The following HHIP variants were observed in gnomAD, a reference collection of about 807,000 sequenced individuals.
HHIP encodes the protein hedgehog interacting protein.
A neutral mutation model predicts 74.0 loss-of-function variants in HHIP; 12 were observed. The ratio of observed to expected loss-of-function variants is 0.16; its 90% CI spans 0.10 to 0.26. HHIP has a LOEUF of 0.26. Ranked by LOEUF, HHIP falls within the 10% of genes least tolerant of loss-of-function variation. The pLI, the probability that HHIP is intolerant of heterozygous loss-of-function variation, is 1.00. For synonymous variants in HHIP, 309 were observed against 311.6 expected (o/e 0.99, Z 0.09); for missense variants, 788 against 845.0 (o/e 0.93, Z 0.84).
At chr4:144,668,746 G>A (rs1418471866) in intron 4 of HHIP, among the ~76,000 whole-genome samples, 1 of 152,030 alleles carries the variant, frequency 6.6e-6, no homozygotes, top group African/African-American at 2.4e-5. Context: ...GCAAGAGTCC[G>A]TCTCAAAGAA....
chr4:144,664,386 A>T (rs1024627990), intron 4 of HHIP, among the ~76,000 whole-genome samples: 6 of 152,350 alleles, frequency 3.9e-5, no homozygotes, highest in East Asian at 1.9e-4. Flanking sequence ...AGGCTTGTAA[A>T]TCACAAACAT....
intron 7 of HHIP, among the ~76,000 whole-genome samples, chr4:144,709,734 C>G (rs1045616430): frequency 1.3e-5 from 2 of 152,178 alleles, no homozygotes; most frequent in African/African-American, 4.8e-5. Context: ...CTCAGCAAGG[C>G]TCACCATCAG....
In HHIP at chr4:144,711,952, G is replaced by T; in HGVS notation, c.1304G>T (p.Cys435Phe). Residue 435 changes from cysteine to phenylalanine, a missense_variant and splice_region_variant, in exon 8 of 13, where the codon TGT (cysteine) becomes TTT (phenylalanine). Cys to Phe is a radical substitution (Grantham distance 205, BLOSUM62 -2). Transcript: ENST00000296575. Reference protein sequence around the residue: ...FAHGLHDPGRCAVDRHPTDIN... With the variant: ...FAHGLHDPGRFAVDRHPTDIN... ...GTGTATCCCCTCTTGTTATGCAGAT[G>T]TGCTGTGGATAGACATCCCACTGAT... is the stretch of plus-strand genomic sequence containing the variant. 1 of 1,611,736 alleles carries T rather than the reference G, an allele frequency of 6.2e-7. No homozygotes were observed. Among genetic ancestry groups the T allele is most frequent in the Non-Finnish European group, 8.5e-7 (1 of 1,178,834 alleles).
chr4:144,704,129 T>A (rs1232926292), intron 4 of HHIP, among the ~76,000 whole-genome samples: 1 of 152,202 alleles, frequency 6.6e-6, no homozygotes, highest in Non-Finnish European at 1.5e-5. Flanking sequence ...TTTTAAAATC[T>A]AGATTCAAGA....
At chr4:144,688,282 T>A (rs1221682969) in intron 4 of HHIP, among the ~76,000 whole-genome samples, 1 of 152,040 alleles carries the variant, frequency 6.6e-6, no homozygotes, top group Non-Finnish European at 1.5e-5. Context: ...AAAAAAAAAA[T>A]TGTGCTTGAT....
At chr4:144,684,232 A>ATTTTTTTTT (rs1174297815) in intron 4 of HHIP, among the ~76,000 whole-genome samples, 6 of 63,008 alleles carry the variant, frequency 9.5e-5, no homozygotes, top group African/African-American at 1.9e-4. Flanking sequence ...AAAAAAAAGA[A>ATTTTTTTTT]TTTTTTTTTT....
At chr4:144,727,373 C>T (rs546980220) in intron 11 of HHIP, among the ~76,000 whole-genome samples, 1 of 152,088 alleles carries the variant, frequency 6.6e-6, no homozygotes, top group Admixed American at 6.6e-5. Flanking sequence ...CTGTTATTTT[C>T]GGGGTTAGGG....
chr4:144,669,329 G>A (rs1030017227), intron 4 of HHIP, among the ~76,000 whole-genome samples: 6 of 152,064 alleles, frequency 3.9e-5, no homozygotes, highest in African/African-American at 9.7e-5. Flanking sequence ...TCTAAATCAC[G>A]TAACTTTCTA....
intron 4 of HHIP, among the ~76,000 whole-genome samples, chr4:144,688,415 C>A (rs1162424334): frequency 1.3e-5 from 2 of 151,754 alleles, no homozygotes; most frequent in Non-Finnish European, 2.9e-5. Context: ...AAGTCCCAGG[C>A]AGCCAATGAG....
intron 4 of HHIP, chr4:144,661,468 T>C (rs1421320685): frequency 6.6e-6 from 1 of 152,172 alleles, no homozygotes; most frequent in African/African-American, 2.4e-5. Flanking sequence ...TATTTTAAAT[T>C]CCTTTGATGT....
rs1731293968 is a variant in HHIP, at chr4:144,742,927, TTTATATATATC to T, written c.*4981_*4991del. The T allele has an allele frequency of 7.9e-6, 1 of 126,096 alleles. No homozygotes were observed. The highest frequency in any genetic ancestry group is 1.6e-5 in the Non-Finnish European group (1 of 61,032). The allele number at this position is 126,096 out of a possible 1,614,324, so 7.8% of individuals were successfully genotyped here. A position where few individuals can be genotyped will look rare whatever the true frequency, so the allele number is the denominator to read the frequency against. On this transcript the variant is annotated 3_prime_UTR_variant, in exon 13 of 13. Coordinates refer to ENST00000296575, the MANE Select transcript of HHIP (RefSeq NM_022475.3). Reference sequence around the variant, plus strand: ...TTTATATATATCTTATATATATATCTTTATATATATCTTATATATATATCTTATACATATAA... The same window carrying T: ...TTTATATATATCTTATATATATATCTTTATATATATATCTTATACATATAA...
intron 2 of HHIP, among the ~76,000 whole-genome samples, chr4:144,653,865 ATAT>A (rs1173809591): frequency 6.6e-6 from 1 of 152,104 alleles, no homozygotes; most frequent in Non-Finnish European, 1.5e-5. Flanking sequence ...CAATATGAAA[ATAT>A]TATTATTGTC....
intron 4 of HHIP, among the ~76,000 whole-genome samples, chr4:144,703,226 A>G (rs1276107289): frequency 1.3e-5 from 2 of 151,284 alleles, no homozygotes; most frequent in Non-Finnish European, 2.9e-5. Flanking sequence ...AAAAAAAAAA[A>G]GGGATAATGT....
In HHIP at chr4:144,743,327, C is replaced by T. The variant is rs1388068812; in HGVS notation, c.*5370C>T. On this transcript the variant is annotated 3_prime_UTR_variant, in exon 13 of 13. Coordinates refer to ENST00000296575, the MANE Select transcript of HHIP (RefSeq NM_022475.3). ...TCATTAAATATGAACCTAAGGCATACCCATCATTTACCTTGATTCCCATAT... is the reference window on the plus strand; with the variant it reads ...TCATTAAATATGAACCTAAGGCATATCCATCATTTACCTTGATTCCCATAT... The T allele has an allele frequency of 1.3e-5, 2 of 151,538 alleles. No individual in the cohort carries two copies. The highest frequency in any genetic ancestry group is 2.4e-5 in the African/African-American group (1 of 41,276). 9.4% of individuals were successfully genotyped at this position (151,538 alleles called of 1,614,324 possible). A position where few individuals can be genotyped will look rare whatever the true frequency, so the allele number is the denominator to read the frequency against.
At chr4:144,648,732 T>G (rs1321529580) in intron 1 of HHIP, 2 of 152,178 alleles carry the variant, frequency 1.3e-5, no homozygotes, top group Non-Finnish European at 2.9e-5. Context: ...ACATGTGGAA[T>G]GAAAATTTTG....
At chr4:144,734,632 T>C (rs951603923) in intron 11 of HHIP, 109 bp from the exon 12 acceptor site, 49 of 769,864 alleles carry the variant, frequency 6.4e-5, no homozygotes, top group Middle Eastern at 4.4e-4. Context: ...AAAAAAAAAG[T>C]CTCTCTAGAA....
At chr4:144,657,511 G>A (rs1013923652) in intron 2 of HHIP, among the ~76,000 whole-genome samples, 4 of 152,070 alleles carry the variant, frequency 2.6e-5, no homozygotes, top group Non-Finnish European at 4.4e-5. Context: ...ACTGACTCTG[G>A]TAATACCGTC....
intron 4 of HHIP, among the ~76,000 whole-genome samples, chr4:144,661,962 T>C (rs1728727049): frequency 6.6e-6 from 1 of 152,224 alleles, no homozygotes; most frequent in African/African-American, 2.4e-5. Flanking sequence ...ACAGAATTGG[T>C]AATACATACT....
intron 4 of HHIP, among the ~76,000 whole-genome samples, chr4:144,677,145 C>T (rs186651204): frequency 1.3e-5 from 2 of 152,284 alleles, no homozygotes; most frequent in East Asian, 3.9e-4. Context: ...CAAATGTTAC[C>T]TTAGCTACTG....
Sources: gnomAD v4.1 joint callset for allele counts (sites outside exome capture counted in the v4.1 genomes callset) on GRCh38, gnomAD v4.1.1 for gene constraint, MANE v1.5 for transcripts, NCBI Gene and HGNC (gene_info 2026-07-23, HGNC 2026-07-21) for gene names.